SNCAIP: variants seen among roughly 807,000 people sequenced by gnomAD.
The protein encoded by SNCAIP is synuclein alpha interacting protein, also known as synphilin-1.
A neutral mutation model predicts 86.7 loss-of-function variants in SNCAIP; 43 were observed. The observed-to-expected ratio is 0.50, with a 90% confidence interval of 0.39 to 0.64. SNCAIP has a LOEUF of 0.64. Ranked by LOEUF, SNCAIP falls within the 30% of genes least tolerant of loss-of-function variation. The probability of loss-of-function intolerance (pLI) is 0.00; values close to 1 mark genes in which losing one functional copy is unlikely to be tolerated. For missense variants in SNCAIP, 981 were observed against 1,103.1 expected, an observed-to-expected ratio of 0.89 and a Z score of 1.57; for synonymous variants, 417 against 427.2, an observed-to-expected ratio of 0.98 and a Z score of 0.29.
chr5:122,379,852 G>A (rs1168019735), intron 1 of SNCAIP, among the ~76,000 whole-genome samples: 1 of 151,248 alleles, frequency 6.6e-6, no homozygotes, highest in East Asian at 2.0e-4. Flanking sequence ...TTATTGATTT[G>A]CGTATATTGA....
At chr5:122,451,761 A>G (rs1783737190) in intron 10 of SNCAIP, 160 bp downstream of exon 10, 1 of 620,164 alleles carries the variant, frequency 1.6e-6, no homozygotes, top group East Asian at 2.7e-5. Flanking sequence ...CTAATGAGAC[A>G]TGTCATGTTA....
chr5:122,342,691 G>A (rs1361788331), intron 1 of SNCAIP, among the ~76,000 whole-genome samples: 3 of 152,166 alleles, frequency 2.0e-5, no homozygotes, highest in Non-Finnish European at 1.5e-5. Flanking sequence ...TTAAAGGCCC[G>A]AGTCTGGCTC....
chr5:122,439,168 A>G (rs148728427), intron 6 of SNCAIP, among the ~76,000 whole-genome samples: 2,173 of 152,352 alleles, frequency 0.014, 59 homozygotes, highest in African/African-American at 0.048. Context: ...TGGTCCAAAC[A>G]TCAGCTCCAA....
chr5:122,346,049 T>C (rs1758565333), intron 1 of SNCAIP, among the ~76,000 whole-genome samples: 1 of 152,128 alleles, frequency 6.6e-6, no homozygotes. Flanking sequence ...CTGCCAATTA[T>C]GGAAATTCTA....
chr5:122,348,614 A>G (rs1174390267), intron 1 of SNCAIP, among the ~76,000 whole-genome samples: 1 of 152,204 alleles, frequency 6.6e-6, no homozygotes, highest in Non-Finnish European at 1.5e-5. Flanking sequence ...GAAATTGATT[A>G]TAAGTATTCT....
intron 10 of SNCAIP, chr5:122,452,831 A>G (rs117504495): frequency 8.9e-6 from 7 of 784,214 alleles, no homozygotes; most frequent in South Asian, 5.9e-5. Context: ...CCTCTAATCT[A>G]TCTATCTTCC....
intron 4 of SNCAIP, among the ~76,000 whole-genome samples, chr5:122,424,263 C>A (rs1390849989): frequency 6.6e-6 from 1 of 152,180 alleles, no homozygotes; most frequent in African/African-American, 2.4e-5. Flanking sequence ...TTTTTACTTA[C>A]TTCCAGCTCT....
At chr5:122,311,494 C>T (rs1204081991), upstream of SNCAIP, 2 of 152,366 alleles carry the variant, frequency 1.3e-5, no homozygotes, top group Admixed American at 6.5e-5. Flanking sequence ...AAAGGCTTCT[C>T]AGACATGAGT....
At chr5:122,390,946 C>T in intron 1 of SNCAIP, 143 bp from the exon 2 acceptor site, 5 of 607,376 alleles carry the variant, frequency 8.2e-6, no homozygotes, top group South Asian at 5.8e-5. Context: ...AGGCTGTGGA[C>T]AGTTGAAGGA....
intron 1 of SNCAIP, among the ~76,000 whole-genome samples, chr5:122,325,377 C>T (rs771555165): frequency 8.5e-5 from 13 of 152,146 alleles, no homozygotes; most frequent in Non-Finnish European, 1.8e-4. Context: ...ATCACCTCTC[C>T]CTACTACAAG....
chr5:122,313,402 G>A (rs953814723), intron 1 of SNCAIP, among the ~76,000 whole-genome samples: 1 of 152,220 alleles, frequency 6.6e-6, no homozygotes, highest in African/African-American at 2.4e-5. Context: ...GTCTGGGGAA[G>A]TTTATGAGGA....
intron 4 of SNCAIP, 73 bp downstream of exon 4, chr5:122,423,812 A>G: frequency 7.6e-7 from 1 of 1,316,222 alleles, no homozygotes; most frequent in Non-Finnish European, 1.1e-6. Flanking sequence ...ATTCGTTAGT[A>G]ACAGAACGAT....
chr5:122,450,679 C>G lies in SNCAIP; in HGVS notation c.1832C>G (p.Ala611Gly), dbSNP rs768491134. ...GCCTCCAGCCGGGCTAGACCCAAAG[C>G]AAAAGATGAAGATTCTGATAAAATC... ...LSASSRARPK[A>G]KDEDSDKILR... is the part of the protein sequence containing the mutation. The change falls in exon 10 of 11, where the codon GCA becomes GGA. Residue 611 changes from alanine (A) to glycine (G), a missense_variant. By Grantham distance (60) the Ala-to-Gly change is moderately conservative. Transcript: ENST00000261368. The G allele has an allele frequency of 5.3e-5, 85 of 1,613,996 alleles. No homozygotes were observed. The highest frequency in any genetic ancestry group is 7.0e-5 in the Non-Finnish European group (83 of 1,180,004).
chr5:122,320,857 C>T (rs1055364837), intron 1 of SNCAIP, among the ~76,000 whole-genome samples: 2 of 152,192 alleles, frequency 1.3e-5, no homozygotes, highest in Admixed American at 6.5e-5. Flanking sequence ...ATGTTATTAT[C>T]GTGGCCTTTA....
chr5:122,345,752 A>G (rs1162297175), intron 1 of SNCAIP, among the ~76,000 whole-genome samples: 2 of 151,996 alleles, frequency 1.3e-5, no homozygotes, highest in Non-Finnish European at 2.9e-5. Flanking sequence ...CCTTTAACTC[A>G]TGGGCTCAAG....
At chr5:122,371,281 T>C (rs1764206161) in intron 1 of SNCAIP, 1 of 149,070 alleles carries the variant, frequency 6.7e-6, no homozygotes, top group Non-Finnish European at 1.5e-5. Flanking sequence ...TTATCCAACC[T>C]AGGTAACAGA....
In SNCAIP at chr5:122,444,059, A is replaced by G. The variant is rs1175873237; in HGVS notation, c.1423-504A>G. The G allele has an allele frequency of 1.1e-5, 5 of 456,628 alleles. No homozygotes were observed. In the East Asian group the frequency reaches 3.5e-4, roughly 32 times the overall value. 28.3% of individuals were successfully genotyped at this position (456,628 alleles called of 1,614,324 possible). A position where few individuals can be genotyped will look rare whatever the true frequency, so the allele number is the denominator to read the frequency against. ...GTGGGAGCTGCTTCACAGCCTCCCC[A>G]CTCTCAGCCATGTCATTTCTTTCCA... is the stretch of plus-strand genomic sequence containing the variant. On this transcript the variant is annotated intron_variant, in intron 7 of 10. Coordinates refer to ENST00000261368, the MANE Select transcript of SNCAIP (RefSeq NM_005460.4).
intron 4 of SNCAIP, among the ~76,000 whole-genome samples, chr5:122,424,455 C>T (rs1561737044): frequency 6.6e-6 from 1 of 152,192 alleles, no homozygotes; most frequent in African/African-American, 2.4e-5. Context: ...TGGGCTCGTA[C>T]TATGATGCTA....
At chr5:122,382,923 G>T (rs1339150308) in intron 1 of SNCAIP, among the ~76,000 whole-genome samples, 3 of 152,172 alleles carry the variant, frequency 2.0e-5, no homozygotes, top group Non-Finnish European at 2.9e-5. Flanking sequence ...CTGCGTGCTG[G>T]GAGAACCACT....
Sources: gnomAD v4.1 joint callset for allele counts (sites outside exome capture counted in the v4.1 genomes callset) on GRCh38, gnomAD v4.1.1 for gene constraint, MANE v1.5 for transcripts, NCBI Gene and HGNC (gene_info 2026-07-23, HGNC 2026-07-21) for gene names.